Variants in FLNB observed in about 807,000 individuals in gnomAD.
The protein encoded by FLNB is filamin B.
In FLNB, 111 loss-of-function variants were observed where a neutral mutation model predicts 250.6. That is an observed-to-expected ratio of 0.44 (90% CI 0.38 to 0.52). The LOEUF is 0.52. FLNB is among the 20% of genes least tolerant of loss of function. The probability of loss-of-function intolerance (pLI) is 0.00; values close to 1 mark genes in which losing one functional copy is unlikely to be tolerated. For synonymous variants in FLNB, 1,302 were observed against 1,372.1 expected (o/e 0.95, Z 1.13); for missense variants, 2,869 against 3,447.8 (o/e 0.83, Z 4.20).
At chr3:58,081,529 C>A in intron 3 of FLNB, 100 bp from the exon 4 acceptor site, 1 of 1,089,714 alleles carries the variant, frequency 9.2e-7, no homozygotes, top group Non-Finnish European at 1.4e-6. Context: ...GACTCAGTTT[C>A]TTAATATTTG....
intron 1 of FLNB, among the ~76,000 whole-genome samples, chr3:58,041,758 A>G (rs139424186): frequency 6.6e-6 from 1 of 152,144 alleles, no homozygotes; most frequent in East Asian, 1.9e-4. Context: ...CCTCAAGCCT[A>G]CCTTACAAAT....
At chr3:58,072,672 T>G (rs1053248799) in intron 1 of FLNB, among the ~76,000 whole-genome samples, 1 of 152,196 alleles carries the variant, frequency 6.6e-6, no homozygotes, top group African/African-American at 2.4e-5. Context: ...AAAATCAGTT[T>G]TGGAATGAGA....
Position 58,169,751 on chromosome 3 carries a change from G to T in FLNB, c.7579G>T (p.Val2527Leu), listed in dbSNP as rs776041549. The change falls in exon 45 of 46, where the codon GTG becomes TTG. Residue 2527 changes from valine (V) to leucine (L), a missense_variant. By Grantham distance (32) the Val-to-Leu change is conservative (BLOSUM62 1). Coordinates refer to ENST00000295956, the MANE Select transcript of FLNB (RefSeq NM_001457.4). The surrounding 1 kb of genome is among the most constrained non-coding windows in gnomAD (Gnocchi z 4.8). ...GGGGGCAGGGCTCTCAAAGGCCTTT[G>T]TGGGCCAGAAGAGTTCCTTCCTGGT... ...SKGAGLSKAF[V>L]GQKSSFLVDC... The T allele has an allele frequency of 6.2e-7, 1 of 1,613,346 alleles. No individual in the cohort carries two copies. Among genetic ancestry groups the T allele is most frequent in the East Asian group, 2.2e-5 (1 of 44,804 alleles).
chr3:58,132,212 G>A lies in FLNB; in HGVS notation c.4391-596G>A, dbSNP rs144200627. The A allele has an allele frequency of 1.6e-3, 926 of 589,532 alleles. 3 individuals are homozygous for A. The highest frequency in any genetic ancestry group is 0.015 in the African/African-American group (792 of 53,702). The allele number at this position is 589,532 out of a possible 1,614,324, so 36.5% of individuals were successfully genotyped here. A position where few individuals can be genotyped will look rare whatever the true frequency, so the allele number is the denominator to read the frequency against. On this transcript the variant is annotated intron_variant, in intron 25 of 45. Transcript: ENST00000295956. ...GGATCTGGACTCTGCAACCCAACGCGTGCCTTGATTATGTTTTAGCATAAT... is the reference window on the plus strand; with the variant it reads ...GGATCTGGACTCTGCAACCCAACGCATGCCTTGATTATGTTTTAGCATAAT...
chr3:58,036,705 A>G (rs562153337), intron 1 of FLNB, among the ~76,000 whole-genome samples: 2 of 152,364 alleles, frequency 1.3e-5, no homozygotes, highest in African/African-American at 4.8e-5. Flanking sequence ...ACAAAGGCAG[A>G]CTGCTCCCAA....
chr3:58,138,381 C>G lies in FLNB; in HGVS notation c.4961C>G (p.Thr1654Ser), dbSNP rs561290827. The G allele has an allele frequency of 6.2e-7, 1 of 1,614,210 alleles. No homozygotes were observed. The highest frequency in any genetic ancestry group is 1.1e-5 in the South Asian group (1 of 91,090). The change falls in exon 29 of 46, where the codon ACC (threonine) becomes AGC (serine). Residue 1654 changes from threonine (T) to serine (S), a missense_variant. Coordinates refer to ENST00000295956, the MANE Select transcript of FLNB (RefSeq NM_001457.4). The part of the protein sequence containing the change: ...GKGKVTCTVL[T>S]PDGTEAEADV... Reference sequence around the variant, plus strand: ...GGTAAAGTGACCTGCACGGTTCTGACCCCAGATGGCACTGAGGCCGAGGCC... The same window carrying G: ...GGTAAAGTGACCTGCACGGTTCTGAGCCCAGATGGCACTGAGGCCGAGGCC...
chr3:58,067,822 A>G (rs1258348141), intron 1 of FLNB, among the ~76,000 whole-genome samples: 1 of 151,730 alleles, frequency 6.6e-6, no homozygotes. Context: ...TGATCCGCCC[A>G]CCTCCGCCTC....
intron 10 of FLNB, 82 bp from the exon 11 acceptor site, chr3:58,104,998 G>A: frequency 6.3e-7 from 1 of 1,578,882 alleles, no homozygotes; most frequent in Non-Finnish European, 8.7e-7. Flanking sequence ...TGGAAAGAAT[G>A]TGCAAAGGAA....
intron 4 of FLNB, among the ~76,000 whole-genome samples, chr3:58,087,749 CT>C (rs373691361): frequency 1.4e-5 from 2 of 147,082 alleles, no homozygotes; most frequent in African/African-American, 5.0e-5. Context: ...TGCGCCCAGC[CT>C]TTTTTTTGAG....
chr3:58,127,211 T>C (rs1439078213), intron 24 of FLNB, among the ~76,000 whole-genome samples: 1 of 151,766 alleles, frequency 6.6e-6, no homozygotes, highest in Non-Finnish European at 1.5e-5. Context: ...TAATCCTAGC[T>C]ATGTGGGGTG....
At chr3:58,012,976 G>GTTCA (rs1023981568) in intron 1 of FLNB, among the ~76,000 whole-genome samples, 3 of 152,204 alleles carry the variant, frequency 2.0e-5, no homozygotes, top group Non-Finnish European at 4.4e-5. Context: ...CACATTTGTG[G>GTTCA]TTCATTGTAA....
chr3:58,051,391 A>G (rs2097162057), intron 1 of FLNB, among the ~76,000 whole-genome samples: 1 of 152,298 alleles, frequency 6.6e-6, no homozygotes, highest in Non-Finnish European at 1.5e-5. Context: ...GCACTGAAGG[A>G]GGCTTTGCGC....
At position 58,094,819 on chromosome 3, in the gene FLNB, G is replaced by T. The variant is rs758651741; in HGVS notation, c.788-17G>T. On this transcript the variant is annotated splice_polypyrimidine_tract_variant and intron_variant, in intron 4 of 45. Transcript: ENST00000295956. ...CCCTCGCCTGGCTTCTAACATGTCT[G>T]TGTAAACCTGTGGCAGGAATCGAGC... 67 of 1,606,652 alleles carry T rather than the reference G, an allele frequency of 4.2e-5. 2 individuals carry two copies. Among genetic ancestry groups the T allele is most frequent in the Non-Finnish European group, 4.6e-5 (54 of 1,173,284 alleles).
intron 18 of FLNB, among the ~76,000 whole-genome samples, chr3:58,114,696 G>T (rs1357917510): frequency 1.4e-5 from 2 of 144,514 alleles, no homozygotes; most frequent in Admixed American, 6.8e-5. Flanking sequence ...GCTAACATTT[G>T]TTTTTTTTCT....
At chr3:58,024,701 CTTTTTTTTTTTT>C (rs1174805764) in intron 1 of FLNB, among the ~76,000 whole-genome samples, 3 of 83,764 alleles carry the variant, frequency 3.6e-5, no homozygotes, top group Non-Finnish European at 7.0e-5. Context: ...GCCAAGCCTC[CTTTTTTTTTTTT>C]TTTTTTTTTT....
rs767127904 is a variant in FLNB, at chr3:58,170,598, G to T, written c.7645G>T (p.Val2549Phe). Residue 2549 changes from valine (V) to phenylalanine (F), a missense_variant, in exon 46 of 46, where the codon GTC (valine) becomes TTC (phenylalanine). This residue lies in a region of FLNB where 1,084 missense variants were observed against 1,315.5 expected (regional missense o/e 0.82). Coordinates refer to ENST00000295956, the MANE Select transcript of FLNB (RefSeq NM_001457.4). ...KAGSNMLLIG[V>F]HGPTTPCEEV... is the part of the protein sequence containing the mutation. ...AGGCTCCAACATGCTGCTGATCGGG[G>T]TCCATGGGCCCACCACCCCCTGCGA... The T allele has an allele frequency of 1.9e-6, 3 of 1,614,124 alleles. No individual in the cohort carries two copies. The East Asian group carries it at 6.7e-5, about 36-fold the overall frequency.
At chr3:58,018,327 CTTTTTTTTTTTTT>C (rs60851192) in intron 1 of FLNB, among the ~76,000 whole-genome samples, 2 of 63,236 alleles carry the variant, frequency 3.2e-5, no homozygotes, top group East Asian at 5.0e-4. Flanking sequence ...TATTCATTGA[CTTTTTTTTTTTTT>C]TTTTTTTTTT....
intron 11 of FLNB, 92 bp downstream of exon 11, chr3:58,105,308 G>A: frequency 6.5e-7 from 1 of 1,537,432 alleles, no homozygotes. Flanking sequence ...GCCTTGCCTA[G>A]CCTCAATACC....
chr3:58,137,020 G>A (rs567754022), intron 28 of FLNB, among the ~76,000 whole-genome samples: 6 of 152,112 alleles, frequency 3.9e-5, no homozygotes, highest in South Asian at 4.2e-4. Context: ...ACGCCTGGCC[G>A]GCCTTTCAGT....
Sources: gnomAD v4.1 joint callset for allele counts (sites outside exome capture counted in the v4.1 genomes callset) on GRCh38, gnomAD v4.1.1 for gene constraint, gnomAD v4.1.1 regional missense constraint, Gnocchi (gnomAD v3.1) non-coding constraint, MANE v1.5 for transcripts, NCBI Gene and HGNC (gene_info 2026-07-23, HGNC 2026-07-21) for gene names.